Variants in PTPN7 observed in about 807,000 individuals in gnomAD.
PTPN7 encodes tyrosine-protein phosphatase non-receptor type 7.
PTPN7 carries 33 observed loss-of-function variants against 50.3 expected under a neutral mutation model. The ratio of observed to expected loss-of-function variants is 0.66; its 90% CI spans 0.50 to 0.88. PTPN7 has a LOEUF of 0.88. Ranked by LOEUF, PTPN7 falls within the 40% of genes least tolerant of loss-of-function variation. PTPN7 has a pLI of 0.00. For synonymous variants in PTPN7, 185 were observed against 186.6 expected (o/e 0.99, Z 0.07); for missense variants, 412 against 475.4 (o/e 0.87, Z 1.24).
chr1:202,151,625 C>A (rs1022875614), intron 8 of PTPN7, among the ~76,000 whole-genome samples: 1 of 152,228 alleles, frequency 6.6e-6, no homozygotes, highest in African/African-American at 2.4e-5. Context: ...TCAAGCAATT[C>A]TCCTGCCTCA....
intron 8 of PTPN7, among the ~76,000 whole-genome samples, chr1:202,151,672 C>T (rs1258183170): frequency 6.6e-6 from 1 of 152,076 alleles, no homozygotes; most frequent in Non-Finnish European, 1.5e-5. Flanking sequence ...CATGCGCCAC[C>T]ATGTGTGGCT....
chr1:202,150,566 G>A, intron 8 of PTPN7, 142 bp from the exon 9 acceptor site: 1 of 643,638 alleles, frequency 1.6e-6, no homozygotes, highest in Non-Finnish European at 2.7e-6. Context: ...GCAGGTAGCA[G>A]TACTCTGCTT....
chr1:202,153,678 G>T, intron 7 of PTPN7, 47 bp downstream of exon 7: 1 of 1,486,802 alleles, frequency 6.7e-7, no homozygotes, highest in Non-Finnish European at 9.4e-7. Context: ...CAGAGATGCT[G>T]TGGGCGGCCC....
Position 202,159,146 on chromosome 1 carries a change from T to A in PTPN7, c.122+135A>T. On this transcript the variant is annotated intron_variant, in intron 2 of 9. Coordinates refer to ENST00000691036, the MANE Select transcript of PTPN7 (RefSeq NM_002832.4). This position sits in a 1 kb window ranked among gnomAD's most constrained non-coding sequence, Gnocchi z 4.6. ...GACATGCAAATGAGCACTACTGGTT[T>A]CCTTTCCAAATTGGAGTCAACAACT... is the stretch of plus-strand genomic sequence containing the variant. 1 of 802,984 alleles carries A rather than the reference T, an allele frequency of 1.2e-6. No homozygotes were observed. Among genetic ancestry groups the A allele is most frequent in the Non-Finnish European group, 2.1e-6 (1 of 487,012 alleles). The allele number at this position is 802,984 out of a possible 1,614,324, so 49.7% of individuals were successfully genotyped here.
In PTPN7 at chr1:202,159,570, A is replaced by G. The variant is rs1657120055; in HGVS notation, c.-52-116T>C. On this transcript the variant is annotated intron_variant, in intron 1 of 9. Transcript: ENST00000691036. This position sits in a 1 kb window ranked among gnomAD's most constrained non-coding sequence, Gnocchi z 4.6. ...TCACTGGGGCGTCTTCTGTTCCCCAAGAGGTGGCCTCATTTTCACTAAGGG... is the reference window on the plus strand; with the variant it reads ...TCACTGGGGCGTCTTCTGTTCCCCAGGAGGTGGCCTCATTTTCACTAAGGG... 1 of 1,495,386 alleles carries G rather than the reference A, an allele frequency of 6.7e-7. No homozygotes were observed. The highest frequency in any genetic ancestry group is 2.2e-5 in the Admixed American group (1 of 44,618). 92.6% of individuals were successfully genotyped at this position (1,495,386 alleles called of 1,614,324 possible).
At chr1:202,152,800 G>A (rs183003102) in intron 7 of PTPN7, 101 bp from the exon 8 acceptor site, 167 of 1,353,792 alleles carry the variant, frequency 1.2e-4, no homozygotes, top group Non-Finnish European at 1.6e-4. Context: ...ATTACCCTGT[G>A]GGGGGGTCAT....
At position 202,157,787 on chromosome 1, in the gene PTPN7, C is replaced by T; in HGVS notation, c.343G>A (p.Asp115Asn). The T allele has an allele frequency of 6.2e-7, 1 of 1,614,138 alleles. No individual in the cohort carries two copies. Among genetic ancestry groups the T allele is most frequent in the Non-Finnish European group, 8.5e-7 (1 of 1,180,000 alleles). ...PSNFVSPEDL[D>N]IPGHASKDRY... ...TCCTTGGAGGCGTGGCCAGGGATGT[C>T]CAGGTCTTCGGGGCTGACAAAGTTT... Residue 115 changes from aspartate to asparagine, a missense_variant, in exon 4 of 10, where the codon GAC (aspartate) becomes AAC (asparagine). Asp to Asn is a conservative substitution (Grantham distance 23). Coordinates refer to ENST00000691036, the MANE Select transcript of PTPN7 (RefSeq NM_002832.4).
chr1:202,161,119 G>C (rs923139497), upstream of PTPN7: 3 of 1,268,572 alleles, frequency 2.4e-6, no homozygotes, highest in African/African-American at 4.5e-5. Context: ...CAGAGCAGAT[G>C]TGGCACAGAC....
chr1:202,158,444 T>A, intron 2 of PTPN7, 143 bp from the exon 3 acceptor site: 1 of 828,592 alleles, frequency 1.2e-6, no homozygotes. Context: ...CACAGCAGCC[T>A]CAAACTCCTG....
chr1:202,155,426 A>C, intron 5 of PTPN7, 107 bp downstream of exon 5: 1 of 1,080,976 alleles, frequency 9.3e-7, no homozygotes, highest in South Asian at 1.4e-5. Flanking sequence ...TGGAGCAGGG[A>C]GGGTAGGAAA....
Position 202,158,235 on chromosome 1 carries a change from A to G in PTPN7, c.189T>C (p.Ser63=), listed in dbSNP as rs2147851111. The G allele has an allele frequency of 1.9e-6, 3 of 1,614,152 alleles. No individual in the cohort carries two copies. Among genetic ancestry groups the G allele is most frequent in the Middle Eastern group, 3.3e-4 (2 of 6,062 alleles). The change falls in exon 3 of 10, where the codon TCT becomes TCC. Residue 63 remains serine (S), a synonymous_variant. Coordinates refer to ENST00000691036, the MANE Select transcript of PTPN7 (RefSeq NM_002832.4). The part of the protein sequence containing the change: ...RSLGAVEPIC[S]VNTPREVTLH... ...GGGTGACCTCCCGGGGTGTGTTCACAGAGCAGATGGGTTCTACGGCCCCCA... is the reference window on the plus strand; with the variant it reads ...GGGTGACCTCCCGGGGTGTGTTCACGGAGCAGATGGGTTCTACGGCCCCCA...
rs1384499591 is a variant in PTPN7 at position 202,159,612 on chromosome 1, T to G, written c.-52-158A>C. 27 of 1,481,882 alleles carry G rather than the reference T, an allele frequency of 1.8e-5. No homozygotes were observed. The highest frequency in any genetic ancestry group is 2.4e-5 in the Non-Finnish European group (27 of 1,120,518). The allele number at this position is 1,481,882 out of a possible 1,614,324, so 91.8% of individuals were successfully genotyped here. A position where few individuals can be genotyped will look rare whatever the true frequency, so the allele number is the denominator to read the frequency against. On this transcript the variant is annotated intron_variant, in intron 1 of 9. Coordinates refer to ENST00000691036, the MANE Select transcript of PTPN7 (RefSeq NM_002832.4). This position sits in a 1 kb window ranked among gnomAD's most constrained non-coding sequence, Gnocchi z 4.6. ...CACTAAGGGAAGGACAGGATCTATT[T>G]GGTGGGACCCAGGGCAGAAGGCAGT...
At position 202,154,225 on chromosome 1, in the gene PTPN7, G is replaced by A. The variant is rs773661914; in HGVS notation, c.567C>T (p.Ser189=). ...FWEMVWQEEV[S]LIVMLTQLRE... is the part of the protein sequence containing the mutation. Reference sequence around the variant, plus strand: ...GGAGCTGAGTGAGCATGACAATGAGGGACACTTCCTCTTGCCACACCATCT... The same window carrying A: ...GGAGCTGAGTGAGCATGACAATGAGAGACACTTCCTCTTGCCACACCATCT... The change falls in exon 6 of 10, where the codon TCC becomes TCT. Residue 189 remains serine, a synonymous_variant. Coordinates refer to ENST00000691036, the MANE Select transcript of PTPN7 (RefSeq NM_002832.4). The A allele has an allele frequency of 4.3e-6, 7 of 1,614,114 alleles. No homozygotes were observed. The South Asian group carries it at 5.5e-5, about 13-fold the overall frequency.
Position 202,153,732 on chromosome 1 carries a change from G to T in PTPN7, c.710C>A (p.Thr237Asn), listed in dbSNP as rs1159624858. Residue 237 changes from threonine (T) to asparagine (N), a missense_variant, in exon 7 of 10, where the codon ACC becomes AAC. Transcript: ENST00000691036. ...GCTCCGGGGGGGTGGTACCTGGATGGTGAGCTGCCGCACAGTGTATTCTGG... is the reference window on the plus strand; with the variant it reads ...GCTCCGGGGGGGTGGTACCTGGATGTTGAGCTGCCGCACAGTGTATTCTGG... ...ECPEYTVRQL[T>N]IQYQEERRSV... 1.9e-6 allele frequency: 3 copies of T among 1,613,638 alleles called. No individual in the cohort carries two copies. The highest frequency in any genetic ancestry group is 1.7e-4 in the Middle Eastern group (1 of 6,048).
chr1:202,149,079 T>C (rs2147823700), intron 9 of PTPN7, among the ~76,000 whole-genome samples: 1 of 152,210 alleles, frequency 6.6e-6, no homozygotes, highest in East Asian at 1.9e-4. Flanking sequence ...GGTCTTGAAC[T>C]CCTGACCTCA....
chr1:202,152,788 G>A (rs1558316469), intron 7 of PTPN7, 89 bp from the exon 8 acceptor site: 1 of 1,454,686 alleles, frequency 6.9e-7, no homozygotes, highest in Non-Finnish European at 9.4e-7. Context: ...GCAAGGGCTG[G>A]AATTACCCTG....
chr1:202,152,681 A>T lies in PTPN7; in HGVS notation c.736T>A (p.Ser246Thr). 6.2e-7 allele frequency: 1 copy of T among 1,613,888 alleles called. No homozygotes were observed. Among genetic ancestry groups the T allele is most frequent in the Non-Finnish European group, 8.5e-7 (1 of 1,179,970 alleles). ...GCCGAAAAGAGGATGTGCTTTACTG[A>T]CCGGCGCTCTTCCTGGTACTGGATT... The part of the protein sequence containing the change: ...LTIQYQEERR[S>T]VKHILFSAWP... The change falls in exon 8 of 10, where the codon TCA becomes ACA. Residue 246 changes from serine (S) to threonine (T), a missense_variant. Physicochemically the swap from Ser to Thr is moderately conservative, Grantham distance 58 (BLOSUM62 1). Transcript: ENST00000691036.
chr1:202,153,986 C>A, intron 6 of PTPN7, 151 bp from the exon 7 acceptor site: 3 of 981,706 alleles, frequency 3.1e-6, no homozygotes, highest in Non-Finnish European at 4.7e-6. Context: ...TTGATACCTG[C>A]AAGCAGAGTG....
upstream of PTPN7, chr1:202,160,834 C>T (rs1657307064): frequency 6.6e-7 from 1 of 1,518,062 alleles, no homozygotes; most frequent in Non-Finnish European, 8.8e-7. This position sits in a 1 kb window ranked among gnomAD's most constrained non-coding sequence, Gnocchi z 4.8. Flanking sequence ...TCCAGACCCT[C>T]TCCCCTCTTC....
Sources: allele counts gnomAD v4.1 joint callset (sites outside exome capture counted in the v4.1 genomes callset), GRCh38; gene constraint gnomAD v4.1.1; non-coding constraint Gnocchi (gnomAD v3.1); transcripts MANE v1.5; gene names NCBI Gene and HGNC (gene_info 2026-07-23, HGNC 2026-07-21).